Variants in GXYLT1 observed in about 807,000 individuals in gnomAD.
The protein encoded by GXYLT1 is glucoside xylosyltransferase 1.
Under a neutral mutation model 54.0 loss-of-function variants are expected in GXYLT1, and 29 were observed. That is an observed-to-expected ratio of 0.54 (90% confidence interval 0.40 to 0.73). The LOEUF is 0.73. Among genes scored for constraint, GXYLT1 ranks in the 30% least tolerant of loss-of-function variants. The probability of loss-of-function intolerance (pLI) is 0.00; values close to 1 mark genes in which losing one functional copy is unlikely to be tolerated. For missense variants in GXYLT1, 490 were observed against 553.4 expected (o/e 0.89, Z 1.15); for synonymous variants, 176 against 204.1 (o/e 0.86, Z 1.17).
rs1341154545 is a variant in GXYLT1, at chr12:42,086,598, C to T, written c.*1188G>A. On this transcript the variant is annotated 3_prime_UTR_variant, in exon 8 of 8. Transcript: ENST00000398675. The stretch of plus-strand genomic sequence containing the variant: ...TCTATAGTTATATTAGCTAACAGGT[C>T]AAGAATGCCAAAGAAGTAATTTCTC... The T allele has an allele frequency of 2.6e-5, 4 of 151,080 alleles. No individual in the cohort carries two copies. The highest frequency in any genetic ancestry group is 5.9e-5 in the Non-Finnish European group (4 of 67,664). 9.4% of individuals were successfully genotyped at this position (151,080 alleles called of 1,614,324 possible).
intron 2 of GXYLT1, among the ~76,000 whole-genome samples, chr12:42,120,519 G>A (rs560876967): frequency 2.0e-5 from 3 of 151,934 alleles, no homozygotes; most frequent in South Asian, 4.2e-4. Flanking sequence ...CATTAGCTTC[G>A]GTCTTTTTAC....
chr12:42,105,641 G>GA (rs1312869452), intron 5 of GXYLT1, among the ~76,000 whole-genome samples, 177 bp downstream of exon 5: 4 of 152,064 alleles, frequency 2.6e-5, no homozygotes, highest in African/African-American at 9.7e-5. Context: ...CTGTTAAACA[G>GA]AATAATATGA....
intron 1 of GXYLT1, among the ~76,000 whole-genome samples, chr12:42,143,279 C>T (rs970943610): frequency 1.3e-5 from 2 of 152,174 alleles, no homozygotes; most frequent in Admixed American, 6.5e-5. Flanking sequence ...TAGCTTCAAC[C>T]TGTCATTTTT....
At position 42,102,951 on chromosome 12, in the gene GXYLT1, A is replaced by AT. The variant is rs200165538; in HGVS notation, c.864+2866dup. ...AAATTATTTGAATTTAAATTTTTTAATTTTTTTTTTCTTTTGAGACAGAGT... is the reference window on the plus strand; with the variant it reads ...AAATTATTTGAATTTAAATTTTTTAATTTTTTTTTTTCTTTTGAGACAGAGT... On this transcript the variant is annotated intron_variant, in intron 5 of 7. Transcript: ENST00000398675. Among the ~76,000 whole-genome samples, 319 of 149,956 alleles carry AT rather than the reference A, an allele frequency of 2.1e-3. 4 individuals are homozygous for AT. Among genetic ancestry groups the AT allele is most frequent in the African/African-American group, 6.4e-3 (262 of 40,932 alleles).
chr12:42,085,635 T>C lies in GXYLT1; in HGVS notation c.*2151A>G, dbSNP rs139451106. The C allele has an allele frequency of 1.2e-4, 19 of 152,392 alleles. No homozygotes were observed. The highest frequency in any genetic ancestry group is 2.6e-4 in the African/African-American group (11 of 41,602). The allele number at this position is 152,392 out of a possible 1,614,324, so 9.4% of individuals were successfully genotyped here. On this transcript the variant is annotated 3_prime_UTR_variant, in exon 8 of 8. Transcript: ENST00000398675. ...CTAACATCAAAGTCATCTGAGGTGA[T>C]TGTTAAAAACGAAATCATCATGTGA...
intron 3 of GXYLT1, among the ~76,000 whole-genome samples, chr12:42,110,346 T>C (rs2065445710): frequency 6.6e-6 from 1 of 152,218 alleles, no homozygotes; most frequent in Admixed American, 6.5e-5. Flanking sequence ...TTCAACAGAA[T>C]TACTGATTCA....
rs117086757 is a variant in GXYLT1, at chr12:42,102,283, G to A, written c.864+3535C>T. ...AAGATTAGTTACTTCACTTTAAAAA[G>A]TTCTACCCCTTTGGCAAGATGTTCG... On this transcript the variant is annotated intron_variant, in intron 5 of 7. Transcript: ENST00000398675. Among the ~76,000 whole-genome samples the A allele has an allele frequency of 4.2e-3, 640 of 152,248 alleles. 2 individuals carry two copies. Among genetic ancestry groups the A allele is most frequent in the Non-Finnish European group, 6.6e-3 (449 of 67,998 alleles).
At chr12:42,114,691 T>C (rs1427798981) in intron 3 of GXYLT1, among the ~76,000 whole-genome samples, 1 of 151,898 alleles carries the variant, frequency 6.6e-6, no homozygotes, top group Admixed American at 6.6e-5. Context: ...AGCCGAATTC[T>C]ACCAGAGGTA....
Position 42,086,850 on chromosome 12 carries a change from T to C in GXYLT1, c.*936A>G, listed in dbSNP as rs1266817325. On this transcript the variant is annotated 3_prime_UTR_variant, in exon 8 of 8. Transcript: ENST00000398675. The stretch of plus-strand genomic sequence containing the variant: ...AAATGGACCATATTTTTCTACTCCA[T>C]TGTAACTAAAATTACTACTCACAGG... 1 of 152,160 alleles carries C rather than the reference T, an allele frequency of 6.6e-6. No homozygotes were observed. Among genetic ancestry groups the C allele is most frequent in the African/African-American group, 2.4e-5 (1 of 41,436 alleles). The allele number at this position is 152,160 out of a possible 1,614,324, so 9.4% of individuals were successfully genotyped here.
intron 5 of GXYLT1, among the ~76,000 whole-genome samples, chr12:42,103,108 C>T (rs1380169956): frequency 1.3e-5 from 2 of 151,990 alleles, no homozygotes; most frequent in African/African-American, 2.4e-5. Flanking sequence ...CAGGCATGCA[C>T]CACCATGCAC....
intron 7 of GXYLT1, among the ~76,000 whole-genome samples, chr12:42,088,177 G>A (rs753664440): frequency 4.2e-4 from 64 of 151,920 alleles, no homozygotes; most frequent in African/African-American, 1.3e-3. Context: ...GAGAACATGC[G>A]CAAGGGCAGA....
rs149348499 is a variant in GXYLT1 at position 42,091,665 on chromosome 12, T to C, written c.1162-3718A>G. The stretch of plus-strand genomic sequence containing the variant: ...TGAGTATAGTCATACCATGATAAAC[T>C]GATTGTTTAGAAGCTGTATCTGTCA... On this transcript the variant is annotated intron_variant, in intron 7 of 7. Transcript: ENST00000398675. Among the ~76,000 whole-genome samples the C allele has an allele frequency of 7.4e-3, 1,129 of 152,344 alleles. 15 individuals are homozygous for C. The highest frequency in any genetic ancestry group is 0.026 in the African/African-American group (1,062 of 41,580).
At chr12:42,124,155 T>C (rs1324986639) in intron 2 of GXYLT1, among the ~76,000 whole-genome samples, 1 of 151,776 alleles carries the variant, frequency 6.6e-6, no homozygotes, top group Non-Finnish European at 1.5e-5. Flanking sequence ...AAAATATATC[T>C]CTTAAAACTG....
rs890014563 is a variant in GXYLT1, at chr12:42,131,442, T to C, written c.222-1591A>G. On this transcript the variant is annotated intron_variant, in intron 1 of 7. Transcript: ENST00000398675. ...GTAGAGGGTGCCACACAAGACCTAT[T>C]AAATCAGAATCTCTAGAAACGGTCT... Among the ~76,000 whole-genome samples the C allele has an allele frequency of 3.3e-5, 5 of 152,240 alleles. No individual in the cohort carries two copies. In the East Asian group the frequency reaches 9.6e-4, roughly 29 times the overall value.
At chr12:42,114,863 T>C (rs1253864673) in intron 3 of GXYLT1, among the ~76,000 whole-genome samples, 2 of 151,802 alleles carry the variant, frequency 1.3e-5, no homozygotes, top group East Asian at 1.9e-4. Flanking sequence ...TTGATGAACA[T>C]CGATGCAAAA....
chr12:42,087,881 CT>C lies in GXYLT1; in HGVS notation c.1227del (p.Val410CysfsTer16). 6.3e-7 allele frequency: 1 copy of C among 1,595,356 alleles called. No individual in the cohort carries two copies. The highest frequency in any genetic ancestry group is 1.7e-4 in the Middle Eastern group (1 of 5,864). Reference protein sequence around the residue: ...LKPLELELQKTVHTYCGKIYK... With the variant: ...LKPLELELQKXVHTYCGKIYK... ...TAAATTTTTCCACAGTATGTATGCA[CT>C]GTTTTTTGTAGTTCCAGTTCTAAAG... On this transcript the variant is annotated frameshift_variant, in exon 8 of 8. Transcript: ENST00000398675. LOFTEE classifies it high-confidence loss of function.
chr12:42,112,752 C>A (rs1253586325), intron 3 of GXYLT1, among the ~76,000 whole-genome samples: 1 of 145,810 alleles, frequency 6.9e-6, no homozygotes, highest in Non-Finnish European at 1.5e-5. Flanking sequence ...CCCAATCCAA[C>A]AAGGCAGGCC....
intron 5 of GXYLT1, among the ~76,000 whole-genome samples, chr12:42,098,760 C>CATACATATATAT: frequency 1.0e-5 from 1 of 96,922 alleles, no homozygotes; most frequent in South Asian, 4.3e-4. Context: ...AAATTTAAAA[C>CATACATATATAT]ATATATATAT....
chr12:42,101,116 T>C (rs111481863), intron 5 of GXYLT1, among the ~76,000 whole-genome samples: 2 of 152,186 alleles, frequency 1.3e-5, no homozygotes, highest in African/African-American at 4.8e-5. Context: ...CTAGTATTAT[T>C]TGCTAATGAT....
Sources: allele counts gnomAD v4.1 joint callset (sites outside exome capture counted in the v4.1 genomes callset), GRCh38; gene constraint gnomAD v4.1.1; transcripts MANE v1.5; gene names NCBI Gene and HGNC (gene_info 2026-07-23, HGNC 2026-07-21).